SOBP: variants seen among roughly 807,000 people sequenced by gnomAD.
SOBP encodes sine oculis-binding protein homolog.
Under a neutral mutation model 53.6 loss-of-function variants are expected in SOBP, and 4 were observed. The observed-to-expected ratio is 0.07, with a 90% CI of 0.04 to 0.17. The LOEUF is 0.17. Ranked by LOEUF, SOBP falls within the 10% of genes least tolerant of loss-of-function variation. The probability of loss-of-function intolerance (pLI) is 1.00; values close to 1 mark genes in which losing one functional copy is unlikely to be tolerated. For synonymous variants in SOBP, 584 were observed against 522.6 expected (o/e 1.12, Z -1.60); for missense variants, 1,088 against 1,204.7 (o/e 0.90, Z 1.43).
In SOBP at chr6:107,506,216, T is replaced by A. The variant is rs775083650; in HGVS notation, c.236-26T>A. On this transcript the variant is annotated intron_variant, in intron 2 of 6. Transcript: ENST00000317357. ...TACTGCATTACATTCCTTGGTCACATTGAATATGATTTTTTTCTTTTACAG... is the reference window on the plus strand; with the variant it reads ...TACTGCATTACATTCCTTGGTCACAATGAATATGATTTTTTTCTTTTACAG... The A allele has an allele frequency of 1.9e-6, 3 of 1,605,962 alleles. No individual in the cohort carries two copies. In the South Asian group the frequency reaches 3.3e-5, roughly 18 times the overall value.
intron 5 of SOBP, among the ~76,000 whole-genome samples, chr6:107,625,192 A>T (rs1357582079): frequency 6.6e-6 from 1 of 152,236 alleles, no homozygotes; most frequent in Non-Finnish European, 1.5e-5. Context: ...TTAGTATTAC[A>T]TCAAACTGGG....
At chr6:107,500,075 C>T (rs1210845899) in intron 1 of SOBP, among the ~76,000 whole-genome samples, 1 of 152,096 alleles carries the variant, frequency 6.6e-6, no homozygotes, top group Non-Finnish European at 1.5e-5. Flanking sequence ...AGGCCATAAA[C>T]ATTAAATTCA....
intron 4 of SOBP, among the ~76,000 whole-genome samples, chr6:107,548,298 C>G (rs551450584): frequency 4.0e-4 from 60 of 150,802 alleles, no homozygotes; most frequent in South Asian, 3.1e-3. Context: ...CTGTTGCCCA[C>G]GCTGGAGTGC....
chr6:107,599,283 A>T (rs1490264473), intron 5 of SOBP, among the ~76,000 whole-genome samples: 1 of 152,256 alleles, frequency 6.6e-6, no homozygotes, highest in Non-Finnish European at 1.5e-5. Flanking sequence ...TCATTTAGCA[A>T]GTGCTCAATA....
chr6:107,565,095 T>TG (rs1784878385), intron 4 of SOBP, among the ~76,000 whole-genome samples: 2 of 152,208 alleles, frequency 1.3e-5, no homozygotes, highest in African/African-American at 2.4e-5. Flanking sequence ...TTGGAGTGTA[T>TG]GGCTACATCA....
chr6:107,519,415 G>A (rs575209287), intron 3 of SOBP, among the ~76,000 whole-genome samples: 31 of 152,268 alleles, frequency 2.0e-4, no homozygotes, highest in Admixed American at 1.7e-3. Flanking sequence ...GACACCTCTT[G>A]TGCTCCTCTT....
At chr6:107,501,439 G>A (rs373321863) in intron 1 of SOBP, among the ~76,000 whole-genome samples, 1 of 152,166 alleles carries the variant, frequency 6.6e-6, no homozygotes, top group South Asian at 2.1e-4. Context: ...GGAGAAAGTG[G>A]CACCCATAGA....
At chr6:107,591,604 G>A (rs1785750543) in intron 5 of SOBP, among the ~76,000 whole-genome samples, 1 of 152,194 alleles carries the variant, frequency 6.6e-6, no homozygotes, top group Non-Finnish European at 1.5e-5. Flanking sequence ...ACCCAGGTTA[G>A]TATATAGGTT....
At chr6:107,550,968 C>G (rs750838219) in intron 4 of SOBP, among the ~76,000 whole-genome samples, 4 of 152,190 alleles carry the variant, frequency 2.6e-5, no homozygotes, top group Non-Finnish European at 5.9e-5. Flanking sequence ...GGCAAAGAAG[C>G]AGAGAATCTA....
intron 3 of SOBP, among the ~76,000 whole-genome samples, chr6:107,523,155 G>C (rs982365773): frequency 6.6e-6 from 1 of 152,190 alleles, no homozygotes; most frequent in African/African-American, 2.4e-5. Context: ...ATAAGAATAC[G>C]TAGTGCAGCT....
chr6:107,647,227 T>A (rs545991626), intron 6 of SOBP, among the ~76,000 whole-genome samples: 1 of 152,312 alleles, frequency 6.6e-6, no homozygotes, highest in East Asian at 1.9e-4. Flanking sequence ...ATACCAACAA[T>A]GCATGAGACT....
intron 5 of SOBP, among the ~76,000 whole-genome samples, chr6:107,611,908 G>A (rs149195247): frequency 2.0e-5 from 3 of 152,196 alleles, no homozygotes; most frequent in South Asian, 2.1e-4. Context: ...TCCCAGAAAC[G>A]TGAGCTCTGG....
intron 4 of SOBP, among the ~76,000 whole-genome samples, chr6:107,577,727 G>A (rs73516989): frequency 0.01 from 1,563 of 152,248 alleles, 28 homozygotes; most frequent in African/African-American, 0.036. Flanking sequence ...GTATTGAGAG[G>A]CCTAGGTGTC....
chr6:107,633,036 C>G (rs1212716742), intron 5 of SOBP, among the ~76,000 whole-genome samples: 5 of 152,202 alleles, frequency 3.3e-5, no homozygotes, highest in Admixed American at 6.5e-5. Flanking sequence ...TACACTCTTT[C>G]CAACTGCATT....
intron 3 of SOBP, among the ~76,000 whole-genome samples, chr6:107,524,391 C>T (rs891304509): frequency 6.6e-6 from 1 of 152,200 alleles, no homozygotes; most frequent in African/African-American, 2.4e-5. Context: ...TTAGATTGCT[C>T]AGAGGTTCAG....
At chr6:107,618,326 G>A (rs916772649) in intron 5 of SOBP, among the ~76,000 whole-genome samples, 2 of 152,190 alleles carry the variant, frequency 1.3e-5, no homozygotes, top group African/African-American at 4.8e-5. Flanking sequence ...AGGCCATGAA[G>A]TATTTGTCTG....
chr6:107,541,870 G>T (rs1784156333), intron 4 of SOBP, among the ~76,000 whole-genome samples: 1 of 152,016 alleles, frequency 6.6e-6, no homozygotes, highest in Admixed American at 6.6e-5. Flanking sequence ...AGGGGAATTT[G>T]CCCGACAGGA....
intron 6 of SOBP, among the ~76,000 whole-genome samples, chr6:107,652,943 C>T (rs1259194070): frequency 2.6e-5 from 4 of 151,960 alleles, no homozygotes; most frequent in African/African-American, 9.7e-5. Flanking sequence ...TAATAGACTA[C>T]AGTATAGTAT....
At chr6:107,508,171 TGTAGATACAA>T (rs1455398123) in intron 3 of SOBP, among the ~76,000 whole-genome samples, 2 of 152,334 alleles carry the variant, frequency 1.3e-5, no homozygotes, top group African/African-American at 4.8e-5. Context: ...TGAAGAAATT[TGTAGATACAA>T]GTTCCTGGGC....
Sources: gnomAD v4.1 joint callset for allele counts (sites outside exome capture counted in the v4.1 genomes callset) on GRCh38, gnomAD v4.1.1 for gene constraint, MANE v1.5 for transcripts, NCBI Gene and HGNC (gene_info 2026-07-23, HGNC 2026-07-21) for gene names.